Variants in C10orf67 observed in about 807,000 individuals in gnomAD.
C10orf67 encodes chromosome 10 open reading frame 67, also known as uncharacterized protein C10orf67, mitochondrial.
A neutral mutation model predicts 35.6 loss-of-function variants in C10orf67; 60 were observed. The ratio of observed to expected loss-of-function variants is 1.68; its 90% CI spans 1.37 to 2.09. The LOEUF (loss-of-function observed/expected upper bound fraction) is 2.09. Among genes scored for constraint, C10orf67 ranks in the 30% most tolerant of loss-of-function variants. The pLI, the probability that C10orf67 is intolerant of heterozygous loss-of-function variation, is 0.00. For synonymous variants in C10orf67, 167 were observed against 115.8 expected, an observed-to-expected ratio of 1.44 and a Z score of -2.84; for missense variants, 474 against 330.2, an observed-to-expected ratio of 1.44 and a Z score of -3.38.
chr10:23,339,636 G>A (rs1169957948), intron 1 of C10orf67, among the ~76,000 whole-genome samples: 1 of 152,146 alleles, frequency 6.6e-6, no homozygotes, highest in Non-Finnish European at 1.5e-5. Context: ...GCCTTTGAGG[G>A]CGGGTCTTCT....
intron 2 of C10orf67, among the ~76,000 whole-genome samples, chr10:23,329,420 G>A (rs560815299): frequency 2.0e-5 from 3 of 152,044 alleles, no homozygotes; most frequent in African/African-American, 7.2e-5. Context: ...AATAACAATA[G>A]CAATAAAAAT....
intron 15 of C10orf67, among the ~76,000 whole-genome samples, chr10:23,221,249 C>A (rs775256304): frequency 6.6e-6 from 1 of 152,048 alleles, no homozygotes; most frequent in Non-Finnish European, 1.5e-5. Context: ...AGAGAGACAG[C>A]GAAGTGCCAC....
intron 10 of C10orf67, among the ~76,000 whole-genome samples, chr10:23,251,474 T>G (rs1438229801): frequency 6.6e-6 from 1 of 152,214 alleles, no homozygotes; most frequent in Non-Finnish European, 1.5e-5. Flanking sequence ...AATGTTTATA[T>G]TTTGCAAGAG....
At chr10:23,215,592 T>C (rs746717928) in intron 15 of C10orf67, among the ~76,000 whole-genome samples, 3 of 152,268 alleles carry the variant, frequency 2.0e-5, no homozygotes, top group South Asian at 4.1e-4. Flanking sequence ...ATCTATTATA[T>C]ACTAACTTTA....
At chr10:23,309,242 A>C (rs1341851476) in intron 4 of C10orf67, among the ~76,000 whole-genome samples, 1 of 152,188 alleles carries the variant, frequency 6.6e-6, no homozygotes, top group African/African-American at 2.4e-5. Flanking sequence ...CTTTGCAGTA[A>C]CATGAATGGA....
intron 13 of C10orf67, among the ~76,000 whole-genome samples, chr10:23,236,301 C>T (rs1349262213): frequency 8.0e-5 from 11 of 136,728 alleles, no homozygotes; most frequent in East Asian, 4.1e-4. Context: ...GGTGTGGTGG[C>T]GGGTGCCTGT....
chr10:23,269,523 A>G (rs1842965506), intron 8 of C10orf67, among the ~76,000 whole-genome samples: 1 of 152,208 alleles, frequency 6.6e-6, no homozygotes, highest in Admixed American at 6.6e-5. Context: ...ATAACGAAAT[A>G]GTAGACCTTA....
Position 23,267,272 on chromosome 10 carries a change from C to A in C10orf67, c.976-18G>T. On this transcript the variant is annotated intron_variant, in intron 8 of 15. Coordinates refer to ENST00000636213, the MANE Select transcript of C10orf67 (RefSeq NM_001371909.1). ...TTATTAATCTGTAAAATTGAAGACC[C>A]ATATCATTGGTTATTATCTGCAAAG... 1.4e-6 allele frequency: 1 copy of A among 700,696 alleles called. No homozygotes were observed. Among genetic ancestry groups the A allele is most frequent in the Non-Finnish European group, 2.6e-6 (1 of 380,398 alleles). The allele number at this position is 700,696 out of a possible 1,614,324, so 43.4% of individuals were successfully genotyped here.
chr10:23,228,783 CA>C (rs1460923075), intron 13 of C10orf67, among the ~76,000 whole-genome samples: 1 of 152,086 alleles, frequency 6.6e-6, no homozygotes, highest in African/African-American at 2.4e-5. Flanking sequence ...AGGATATGAA[CA>C]GACACTTCTC....
chr10:23,217,087 G>C (rs1423809662), intron 15 of C10orf67, among the ~76,000 whole-genome samples: 3 of 152,060 alleles, frequency 2.0e-5, no homozygotes, highest in Non-Finnish European at 4.4e-5. Context: ...GCTTACATTT[G>C]TGTAGAATTT....
intron 10 of C10orf67, among the ~76,000 whole-genome samples, chr10:23,259,519 A>G: frequency 6.6e-6 from 1 of 152,192 alleles, no homozygotes. Flanking sequence ...GACAGACAAA[A>G]AGTCCAGGAA....
intron 10 of C10orf67, among the ~76,000 whole-genome samples, chr10:23,255,234 G>A (rs1291181522): frequency 6.6e-6 from 1 of 152,120 alleles, no homozygotes; most frequent in Non-Finnish European, 1.5e-5. Context: ...TAGTCATGAC[G>A]GGGGCCAAAA....
intron 4 of C10orf67, among the ~76,000 whole-genome samples, chr10:23,312,465 T>A (rs1844534451): frequency 6.6e-6 from 1 of 152,178 alleles, no homozygotes; most frequent in Non-Finnish European, 1.5e-5. Context: ...ATTTTCCCTG[T>A]CCCTGCCCTG....
chr10:23,308,312 T>G (rs1474318545), intron 4 of C10orf67, among the ~76,000 whole-genome samples: 1 of 152,220 alleles, frequency 6.6e-6, no homozygotes. Flanking sequence ...TCCCTGCCTC[T>G]TGTTTTGTCA....
rs567126114 is a variant in C10orf67, at chr10:23,227,287, G to T, written c.1435-3469C>A. Among the ~76,000 whole-genome samples the T allele has an allele frequency of 1.3e-4, 20 of 152,252 alleles. 1 individual carries two copies. The highest frequency in any genetic ancestry group is 1.1e-3 in the Admixed American group (17 of 15,280). On this transcript the variant is annotated intron_variant, in intron 13 of 15. Transcript: ENST00000636213. ...GGGATGCAAGGCTGGTTCAACATAT[G>T]CAAATCAATAAATGTAATCCAGCAT...
rs1376722553 is a variant in C10orf67 at position 23,322,436 on chromosome 10, A to G, written c.429T>C (p.Ile143=). 1 of 1,609,750 alleles carries G rather than the reference A, an allele frequency of 6.2e-7. No homozygotes were observed. Among genetic ancestry groups the G allele is most frequent in the Admixed American group, 1.7e-5 (1 of 59,998 alleles). ...LKEESLSLFT[I]LHDRILEIEK... Reference sequence around the variant, plus strand: ...CAATTTCTAGGATCCTGTCATGCAGAATGGTGAAGAGACTCAAAGATTCCT... The same window carrying G: ...CAATTTCTAGGATCCTGTCATGCAGGATGGTGAAGAGACTCAAAGATTCCT... Residue 143 remains isoleucine, a synonymous_variant, in exon 3 of 16, where the codon ATT becomes ATC. Transcript: ENST00000636213.
chr10:23,318,097 C>G (rs1844798390), intron 4 of C10orf67: 2 of 91,124 alleles, frequency 2.2e-5, no homozygotes, highest in Admixed American at 2.7e-4. Flanking sequence ...AGATCCCTGT[C>G]TCTAAAAAAA....
intron 15 of C10orf67, among the ~76,000 whole-genome samples, chr10:23,211,486 G>T (rs76011783): frequency 0.38 from 56,091 of 149,346 alleles, 13,353 homozygotes; most frequent in East Asian, 0.74. Context: ...TGTGGGGGGG[G>T]GGGGTATCAC....
chr10:23,232,170 T>C (rs1030959176), intron 13 of C10orf67, among the ~76,000 whole-genome samples: 1 of 152,160 alleles, frequency 6.6e-6, no homozygotes, highest in African/African-American at 2.4e-5. Context: ...TGTATGTGTT[T>C]TCATTCATCC....
Sources: allele counts gnomAD v4.1 joint callset (sites outside exome capture counted in the v4.1 genomes callset), GRCh38; gene constraint gnomAD v4.1.1; transcripts MANE v1.5; gene names NCBI Gene and HGNC (gene_info 2026-07-23, HGNC 2026-07-21).